MAN2A1: variants seen among roughly 807,000 people sequenced by gnomAD.
MAN2A1 encodes the protein alpha-mannosidase 2.
MAN2A1 carries 76 observed loss-of-function variants against 142.6 expected under a neutral mutation model. The ratio of observed to expected loss-of-function variants is 0.53; its 90% CI spans 0.44 to 0.65. MAN2A1 has a LOEUF of 0.65. Ranked by LOEUF, MAN2A1 falls within the 30% of genes least tolerant of loss-of-function variation. MAN2A1 has a pLI of 0.00. For synonymous variants in MAN2A1, 559 were observed against 473.2 expected (o/e 1.18, Z -2.35); for missense variants, 1,311 against 1,365.1 (o/e 0.96, Z 0.62).
At position 109,774,917 on chromosome 5, in the gene MAN2A1, T is replaced by C. The variant is rs761642193; in HGVS notation, c.1326T>C (p.Tyr442=). The change falls in exon 8 of 22, where the codon TAT becomes TAC. Residue 442 remains tyrosine, a synonymous_variant. Coordinates refer to ENST00000261483, the MANE Select transcript of MAN2A1 (RefSeq NM_002372.4). ...AATGGGATTTACAGTTTAAGAATTA[T>C]CAGCAGCTTTTTGATTATATGAATT... The part of the protein sequence containing the change: ...YTEWDLQFKN[Y]QQLFDYMNSQ... 2.5e-6 allele frequency: 4 copies of C among 1,611,398 alleles called. No homozygotes were observed. Among genetic ancestry groups the C allele is most frequent in the Non-Finnish European group, 3.4e-6 (4 of 1,178,480 alleles).
At chr5:109,735,005 T>C (rs1053567316) in intron 4 of MAN2A1, among the ~76,000 whole-genome samples, 2 of 151,900 alleles carry the variant, frequency 1.3e-5, no homozygotes, top group African/African-American at 2.4e-5. Context: ...TGTGGGAGTC[T>C]TAAGTCTCTT....
chr5:109,783,413 A>G (rs755468501), intron 9 of MAN2A1, among the ~76,000 whole-genome samples: 8 of 152,198 alleles, frequency 5.3e-5, no homozygotes, highest in Non-Finnish European at 7.4e-5. Context: ...CTGGATATGC[A>G]TATGTACTCC....
At chr5:109,814,202 A>T (rs1003407582) in intron 12 of MAN2A1, among the ~76,000 whole-genome samples, 1 of 152,148 alleles carries the variant, frequency 6.6e-6, no homozygotes, top group African/African-American at 2.4e-5. Context: ...TATAAACATA[A>T]TTCTTTTGTT....
chr5:109,810,361 T>C (rs1015385986), intron 12 of MAN2A1, among the ~76,000 whole-genome samples: 1 of 152,218 alleles, frequency 6.6e-6, no homozygotes, highest in African/African-American at 2.4e-5. Context: ...AAATTGAGAC[T>C]GATTTATTCA....
chr5:109,694,424 G>T (rs1750755133), intron 1 of MAN2A1, among the ~76,000 whole-genome samples: 1 of 151,842 alleles, frequency 6.6e-6, no homozygotes, highest in African/African-American at 2.4e-5. Context: ...TACTGCAGTG[G>T]CCTTGAATTC....
chr5:109,819,806 G>A lies in MAN2A1; in HGVS notation c.2247G>A (p.Lys749=). ...AAGATAGCGGAATTTTCACCATAAAGAATATGATAAATACTGAAGAAGGTA... is the reference window on the plus strand; with the variant it reads ...AAGATAGCGGAATTTTCACCATAAAAAATATGATAAATACTGAAGAAGGTA... ...KVEDSGIFTI[K]NMINTEEGIT... is the part of the protein sequence containing the mutation. The change falls in exon 14 of 22, where the codon AAG becomes AAA. Residue 749 remains lysine (K), a synonymous_variant. Transcript: ENST00000261483. 6.2e-7 allele frequency: 1 copy of A among 1,610,802 alleles called. No homozygotes were observed. Among genetic ancestry groups the A allele is most frequent in the Non-Finnish European group, 8.5e-7 (1 of 1,177,852 alleles).
Position 109,742,169 on chromosome 5 carries a change from G to T in MAN2A1, c.707+12656G>T, listed in dbSNP as rs149409944. Among the ~76,000 whole-genome samples, 9 of 152,280 alleles carry T rather than the reference G, an allele frequency of 5.9e-5. No individual in the cohort carries two copies. The East Asian group carries it at 1.5e-3, about 26-fold the overall frequency. ...TTCCTCTCTGGGCTCTGAGATATTG[G>T]AACAGCTTTTATATTGCATCTGCTC... On this transcript the variant is annotated intron_variant, in intron 4 of 21. Transcript: ENST00000261483.
At chr5:109,748,456 G>A (rs1447851889) in intron 4 of MAN2A1, among the ~76,000 whole-genome samples, 1 of 150,682 alleles carries the variant, frequency 6.6e-6, no homozygotes, top group Non-Finnish European at 1.5e-5. Context: ...ATGCTAATAG[G>A]AACAATCAGT....
At chr5:109,754,599 G>T (rs1003009759) in intron 4 of MAN2A1, among the ~76,000 whole-genome samples, 2 of 152,132 alleles carry the variant, frequency 1.3e-5, no homozygotes, top group Non-Finnish European at 2.9e-5. Context: ...TTTGATAAAA[G>T]TATATTGAAA....
chr5:109,700,281 GTT>G lies in MAN2A1; in HGVS notation c.135+9745_135+9746del, dbSNP rs5870385. ...GGATTGAAAGTATGAAGTTTTGCCG[GTT>G]TTTTTTTTTTTTTTTGGTCGTTCAC... is the stretch of plus-strand genomic sequence containing the variant. On this transcript the variant is annotated intron_variant, in intron 1 of 21. Coordinates refer to ENST00000261483, the MANE Select transcript of MAN2A1 (RefSeq NM_002372.4). 1.2e-3 allele frequency among the ~76,000 whole-genome samples: 152 copies of G among 131,402 alleles called. 1 individual carries two copies. The highest frequency in any genetic ancestry group is 8.0e-3 in the Middle Eastern group (2 of 250). The allele number at this position is 131,402 out of a possible 152,430, so 86.2% of individuals were successfully genotyped here.
At position 109,729,304 on chromosome 5, in the gene MAN2A1, G is replaced by A. The variant is rs752313560; in HGVS notation, c.536-38G>A. 12 of 1,413,300 alleles carry A rather than the reference G, an allele frequency of 8.5e-6. No homozygotes were observed. In the African/African-American group the frequency reaches 8.8e-5, roughly 10 times the overall value. The allele number at this position is 1,413,300 out of a possible 1,614,324, so 87.5% of individuals were successfully genotyped here. ...GTGACTGAGTTGAAATCAGCCATAC[G>A]AATTAGACCTTTGTGGTATATTTGT... On this transcript the variant is annotated intron_variant, in intron 3 of 21. Coordinates refer to ENST00000261483, the MANE Select transcript of MAN2A1 (RefSeq NM_002372.4).
chr5:109,862,760 G>A (rs1477692069), intron 20 of MAN2A1: 1 of 152,072 alleles, frequency 6.6e-6, no homozygotes, highest in African/African-American at 2.4e-5. Flanking sequence ...TTTGCCTCAG[G>A]TATTTTTGCT....
chr5:109,789,499 A>G lies in MAN2A1; in HGVS notation c.1915A>G (p.Asn639Asp). 1 of 1,589,550 alleles carries G rather than the reference A, an allele frequency of 6.3e-7. No individual in the cohort carries two copies. Among genetic ancestry groups the G allele is most frequent in the Non-Finnish European group, 8.6e-7 (1 of 1,166,276 alleles). ...ATCACAAGATTCTCTGCCACAAAAA[A>G]ATATAATAAGGCTGAGTGCGGAGCC... is the stretch of plus-strand genomic sequence containing the variant. ...QKSQDSLPQKNIIRLSAEPRY... is the reference protein window; with the variant it reads ...QKSQDSLPQKDIIRLSAEPRY... The change falls in exon 12 of 22, where the codon AAT becomes GAT. Residue 639 changes from asparagine to aspartate, a missense_variant. Physicochemically the swap from Asn to Asp is conservative, Grantham distance 23 (BLOSUM62 1). Around this residue, in one of 3 missense-constraint regions of MAN2A1, gnomAD observed 890 missense variants for 920.5 expected, o/e 0.97. Coordinates refer to ENST00000261483, the MANE Select transcript of MAN2A1 (RefSeq NM_002372.4).
chr5:109,838,531 C>CA (rs1467432398), intron 16 of MAN2A1, among the ~76,000 whole-genome samples: 1 of 152,194 alleles, frequency 6.6e-6, no homozygotes, highest in Admixed American at 6.5e-5. Flanking sequence ...CCTTCCATTT[C>CA]ATGAGCCTCT....
intron 19 of MAN2A1, among the ~76,000 whole-genome samples, chr5:109,850,398 A>G (rs1377224372): frequency 6.6e-6 from 1 of 152,218 alleles, no homozygotes; most frequent in Non-Finnish European, 1.5e-5. Context: ...TTCTTTAAAC[A>G]AAATACTAGT....
chr5:109,731,521 C>T (rs1434457722), intron 4 of MAN2A1, among the ~76,000 whole-genome samples: 7 of 108,084 alleles, frequency 6.5e-5, no homozygotes, highest in African/African-American at 2.5e-4. Context: ...CTCCCCCAAC[C>T]CCACAACAGT....
At chr5:109,829,569 T>G (rs1157458350) in intron 16 of MAN2A1, among the ~76,000 whole-genome samples, 2 of 152,224 alleles carry the variant, frequency 1.3e-5, no homozygotes, top group Non-Finnish European at 2.9e-5. Flanking sequence ...TTTCCACCTC[T>G]TGGTAGCCAT....
At chr5:109,759,615 A>G (rs1466773774) in intron 5 of MAN2A1, among the ~76,000 whole-genome samples, 3 of 152,180 alleles carry the variant, frequency 2.0e-5, no homozygotes, top group Non-Finnish European at 4.4e-5. Context: ...TGAAATGTTT[A>G]CTAGCACTAG....
In MAN2A1 at chr5:109,867,095, T is replaced by C; in HGVS notation, c.*97T>C. 1.1e-6 allele frequency: 1 copy of C among 877,022 alleles called. No homozygotes were observed. The highest frequency in any genetic ancestry group is 1.7e-6 in the Non-Finnish European group (1 of 601,868). The allele number at this position is 877,022 out of a possible 1,614,324, so 54.3% of individuals were successfully genotyped here. On this transcript the variant is annotated 3_prime_UTR_variant, in exon 22 of 22. Coordinates refer to ENST00000261483, the MANE Select transcript of MAN2A1 (RefSeq NM_002372.4). The stretch of plus-strand genomic sequence containing the variant: ...GCACATTATTTTAGCTTCTGGCTAC[T>C]GTGAGAACATGAATTCTGTGATTCT...
Sources: allele counts gnomAD v4.1 joint callset (sites outside exome capture counted in the v4.1 genomes callset), GRCh38; gene constraint gnomAD v4.1.1; regional missense constraint gnomAD v4.1.1; transcripts MANE v1.5; gene names NCBI Gene and HGNC (gene_info 2026-07-23, HGNC 2026-07-21).